The following NBAS variants were observed in gnomAD, a reference collection of about 807,000 sequenced individuals.
NBAS encodes NBAS subunit of NRZ tethering complex.
In NBAS, 219 loss-of-function variants were observed where a neutral mutation model predicts 302.5. That is an observed-to-expected ratio of 0.72 (90% CI 0.65 to 0.81). The LOEUF (loss-of-function observed/expected upper bound fraction) is 0.81. NBAS is among the 30% of genes least tolerant of loss of function. The pLI, the probability that NBAS is intolerant of heterozygous loss-of-function variation, is 0.00. For missense variants in NBAS, 2,932 were observed against 2,841.6 expected, an observed-to-expected ratio of 1.03 and a Z score of -0.72; for synonymous variants, 1,118 against 1,021.6, an observed-to-expected ratio of 1.09 and a Z score of -1.80.
At chr2:15,141,710 T>G in the NBAS span, among the ~76,000 whole-genome samples, 1 of 152,032 alleles carries the variant, frequency 6.6e-6, no homozygotes, top group African/African-American at 2.4e-5. Flanking sequence ...GTTTTTTGTT[T>G]TTACCGTAGG....
chr2:15,480,184 A>G (rs1680369784), intron 12 of NBAS, among the ~76,000 whole-genome samples: 1 of 152,084 alleles, frequency 6.6e-6, no homozygotes, highest in Non-Finnish European at 1.5e-5. Flanking sequence ...CCCAAAAAAT[A>G]AAAATAATTA....
chr2:15,019,497 C>A, the NBAS span, among the ~76,000 whole-genome samples: 36 of 152,068 alleles, frequency 2.4e-4, no homozygotes, highest in African/African-American at 8.2e-4. Flanking sequence ...GAAAGAGAAT[C>A]AGAATTGTGC....
intron 45 of NBAS, 21 bp from the exon 46 acceptor site, chr2:15,234,768 G>C: frequency 4.4e-6 from 7 of 1,607,066 alleles, no homozygotes; most frequent in Non-Finnish European, 5.1e-6. Context: ...ATGGTAATCA[G>C]CACTTAAGTA....
chr2:14,812,288 A>G, the NBAS span, among the ~76,000 whole-genome samples: 2 of 152,228 alleles, frequency 1.3e-5, no homozygotes, highest in Admixed American at 6.5e-5. Context: ...CTGCTTGAAT[A>G]AAACTTGTCA....
the NBAS span, among the ~76,000 whole-genome samples, chr2:14,955,884 A>G: frequency 1.3e-5 from 2 of 152,170 alleles, no homozygotes; most frequent in African/African-American, 4.8e-5. Flanking sequence ...TACCCTGGAG[A>G]CATTTTCCCC....
the NBAS span, among the ~76,000 whole-genome samples, chr2:14,917,768 G>T: frequency 1.3e-5 from 2 of 152,152 alleles, no homozygotes; most frequent in South Asian, 4.2e-4. Context: ...CATTTTATAT[G>T]AAAACACCAC....
At chr2:14,962,996 C>T in the NBAS span, among the ~76,000 whole-genome samples, 3 of 151,884 alleles carry the variant, frequency 2.0e-5, no homozygotes, top group African/African-American at 4.8e-5. Context: ...AGGTCGGGAG[C>T]GGTGGCTTAC....
At chr2:14,853,810 A>T in the NBAS span, among the ~76,000 whole-genome samples, 3 of 123,704 alleles carry the variant, frequency 2.4e-5, no homozygotes, top group African/African-American at 3.4e-5. Context: ...TTCTCAGTAA[A>T]CTATCGCAAG....
At chr2:15,088,266 C>T in the NBAS span, among the ~76,000 whole-genome samples, 2 of 152,172 alleles carry the variant, frequency 1.3e-5, no homozygotes, top group Admixed American at 6.5e-5. Context: ...ATTTGAACTC[C>T]ATACAAGACT....
At chr2:15,000,520 A>G in the NBAS span, among the ~76,000 whole-genome samples, 7 of 152,312 alleles carry the variant, frequency 4.6e-5, no homozygotes, top group African/African-American at 1.4e-4. Flanking sequence ...GTCTAGTCAT[A>G]GATGATTGCA....
Position 15,167,202 on chromosome 2 carries a change from T to G in NBAS, c.6962A>C (p.Gln2321Pro), listed in dbSNP as rs1356732681. Residue 2321 changes from glutamine (Q) to proline (P), a missense_variant, in exon 52 of 52, where the codon CAG becomes CCG. Gln to Pro is a moderately conservative substitution (Grantham distance 76). Coordinates refer to ENST00000281513, the MANE Select transcript of NBAS (RefSeq NM_015909.4). The part of the protein sequence containing the change: ...RIVDHLLASL[Q>P]QGRWDAEELG... ...CTCCTCTGCATCCCAGCGCCCTTGC[T>G]GGAGGCTAGCCAAGAGGTGGTCAAC... 6.2e-7 allele frequency: 1 copy of G among 1,614,256 alleles called. No homozygotes were observed. The highest frequency in any genetic ancestry group is 8.5e-7 in the Non-Finnish European group (1 of 1,180,042).
chr2:14,956,019 C>A, the NBAS span, among the ~76,000 whole-genome samples: 1 of 152,282 alleles, frequency 6.6e-6, no homozygotes, highest in East Asian at 1.9e-4. Flanking sequence ...ATTTTCCAAA[C>A]TTTTATGGTC....
At chr2:14,892,178 C>T in the NBAS span, among the ~76,000 whole-genome samples, 1 of 152,222 alleles carries the variant, frequency 6.6e-6, no homozygotes, top group Non-Finnish European at 1.5e-5. Flanking sequence ...AGGCATAAGC[C>T]AATGCTCTGT....
the NBAS span, among the ~76,000 whole-genome samples, chr2:15,130,176 A>G: frequency 2.6e-5 from 4 of 152,214 alleles, no homozygotes; most frequent in African/African-American, 7.2e-5. Context: ...GTCTTCTTAC[A>G]CATAGCATAA....
At chr2:14,794,126 G>C in the NBAS span, among the ~76,000 whole-genome samples, 1 of 152,140 alleles carries the variant, frequency 6.6e-6, no homozygotes, top group Non-Finnish European at 1.5e-5. Flanking sequence ...CCAGACAAAG[G>C]CATGAATGAC....
intron 38 of NBAS, among the ~76,000 whole-genome samples, chr2:15,318,214 C>T (rs901078375): frequency 6.6e-6 from 1 of 152,180 alleles, no homozygotes; most frequent in African/African-American, 2.4e-5. Flanking sequence ...TTTGTCACTA[C>T]CAGGCCTGCC....
At chr2:14,880,118 C>T in the NBAS span, among the ~76,000 whole-genome samples, 3 of 152,136 alleles carry the variant, frequency 2.0e-5, no homozygotes, top group Non-Finnish European at 2.9e-5. Flanking sequence ...TGTTGAACAA[C>T]ATCTACCCCT....
the NBAS span, among the ~76,000 whole-genome samples, chr2:14,812,343 T>C: frequency 6.6e-6 from 1 of 152,264 alleles, no homozygotes; most frequent in East Asian, 1.9e-4. Context: ...CCAGAGCCAA[T>C]GTGAAAGGGA....
At chr2:14,941,872 C>T in the NBAS span, among the ~76,000 whole-genome samples, 1 of 152,170 alleles carries the variant, frequency 6.6e-6, no homozygotes, top group Non-Finnish European at 1.5e-5. Flanking sequence ...AAACATAATA[C>T]CCACAGAGAA....
Sources: allele counts gnomAD v4.1 joint callset (sites outside exome capture counted in the v4.1 genomes callset), GRCh38; gene constraint gnomAD v4.1.1; transcripts MANE v1.5; gene names NCBI Gene and HGNC (gene_info 2026-07-23, HGNC 2026-07-21).